DNMT3A: variants seen among roughly 807,000 people sequenced by gnomAD.
DNMT3A encodes DNA methyltransferase 3 alpha, also known as DNA (cytosine-5)-methyltransferase 3A.
In DNMT3A, 267 loss-of-function variants were observed where a neutral mutation model predicts 117.6. The observed-to-expected ratio is 2.27, with a 90% CI of 2.05 to 2.51. The LOEUF (loss-of-function observed/expected upper bound fraction) is 2.51. DNMT3A is among the 30% of genes most tolerant of loss of function. The pLI is 0.00. For synonymous variants in DNMT3A, 432 were observed against 474.8 expected (o/e 0.91, Z 1.17); for missense variants, 1,029 against 1,260.2 (o/e 0.82, Z 2.78).
intron 6 of DNMT3A, among the ~76,000 whole-genome samples, chr2:25,250,653 C>A (rs1675410991): frequency 6.6e-6 from 1 of 152,218 alleles, no homozygotes; most frequent in Admixed American, 6.5e-5. Flanking sequence ...GCTGCGTCAG[C>A]TACCCTCGCA....
At chr2:25,299,601 C>A (rs62131060) in intron 3 of DNMT3A, among the ~76,000 whole-genome samples, 10,595 of 152,292 alleles carry the variant, frequency 0.07, 499 homozygotes, top group Non-Finnish European at 0.1. Context: ...GCCAAGTCCC[C>A]TGGCTTCTCA....
Position 25,246,292 on chromosome 2 carries a change from T to TGTAGG in DNMT3A, c.1292_1296dup (p.Lys433ProfsTer220). 1 of 1,610,152 alleles carries TGTAGG rather than the reference T, an allele frequency of 6.2e-7. No homozygotes were observed. The highest frequency in any genetic ancestry group is 8.5e-7 in the Non-Finnish European group (1 of 1,178,078). On this transcript the variant is annotated frameshift_variant, in exon 11 of 23. Transcript: ENST00000321117. LOFTEE classifies it high-confidence loss of function. ...ACCCACATGTCCGTGTACACTTCTT[T>TGTAGG]GTAGGGATTCTTCTCTTCTGGAGGA...
chr2:25,239,408 G>A (rs914390089), intron 19 of DNMT3A, 193 bp from the exon 20 acceptor site: 8 of 660,846 alleles, frequency 1.2e-5, no homozygotes, highest in Admixed American at 4.1e-5. Context: ...TCACTGGAAC[G>A]TTCTAGATCA....
chr2:25,312,401 G>A (rs1345024841), intron 2 of DNMT3A, among the ~76,000 whole-genome samples: 4 of 152,338 alleles, frequency 2.6e-5, no homozygotes, highest in South Asian at 2.1e-4. Context: ...GGGCCGCAGC[G>A]CATGCTGGCT....
intron 1 of DNMT3A, among the ~76,000 whole-genome samples, chr2:25,322,461 C>T (rs999379568): frequency 6.6e-6 from 1 of 151,882 alleles, no homozygotes; most frequent in African/African-American, 2.4e-5. Context: ...CCACCCCCCA[C>T]CCTCACGAAA....
At chr2:25,329,973 G>A (rs1199306523) in intron 1 of DNMT3A, among the ~76,000 whole-genome samples, 1 of 152,208 alleles carries the variant, frequency 6.6e-6, no homozygotes, top group African/African-American at 2.4e-5. Context: ...TGTTCTGAGA[G>A]AAAACACAAA....
At chr2:25,265,682 G>C (rs2149351862) in intron 6 of DNMT3A, among the ~76,000 whole-genome samples, 1 of 152,214 alleles carries the variant, frequency 6.6e-6, no homozygotes, top group South Asian at 2.1e-4. Flanking sequence ...AGCCGGGTGT[G>C]GTGGCAGGTG....
chr2:25,246,526 G>A (rs1226851502), intron 10 of DNMT3A, 94 bp downstream of exon 10: 1 of 1,523,036 alleles, frequency 6.6e-7, no homozygotes, highest in Non-Finnish European at 8.8e-7. Flanking sequence ...CTCTGTGGAG[G>A]CCTTGGCAGC....
intron 1 of DNMT3A, among the ~76,000 whole-genome samples, chr2:25,336,613 C>T (rs2035226094): frequency 6.6e-6 from 1 of 151,974 alleles, no homozygotes; most frequent in African/African-American, 2.4e-5. Flanking sequence ...TCATTTGGCC[C>T]CTTCCCCTCC....
At chr2:25,315,315 C>T (rs2034327148) in intron 1 of DNMT3A, among the ~76,000 whole-genome samples, 1 of 152,194 alleles carries the variant, frequency 6.6e-6, no homozygotes, top group African/African-American at 2.4e-5. Context: ...GAGTGGGTGC[C>T]CCAGCCCTGG....
Position 25,305,266 on chromosome 2 carries a change from T to C in DNMT3A, c.73-5023A>G, listed in dbSNP as rs939173290. 2.6e-5 allele frequency among the ~76,000 whole-genome samples: 4 copies of C among 152,244 alleles called. No individual in the cohort carries two copies. Among genetic ancestry groups the C allele is most frequent in the African/African-American group, 9.6e-5 (4 of 41,460 alleles). ...TAATTGTCACTTTGCATTTATGTCA[T>C]TCTTTGCAGCTTTCAAAGCACCTTC... On this transcript the variant is annotated intron_variant, in intron 2 of 22. Coordinates refer to ENST00000321117, the MANE Select transcript of DNMT3A (RefSeq NM_022552.5). This position sits in a 1 kb window ranked among gnomAD's most constrained non-coding sequence, Gnocchi z 4.1.
chr2:25,253,208 T>C (rs1675806856), intron 6 of DNMT3A, among the ~76,000 whole-genome samples: 1 of 152,092 alleles, frequency 6.6e-6, no homozygotes, highest in Admixed American at 6.6e-5. Context: ...CAAAGGCACC[T>C]ACCCCCAAGG....
At chr2:25,330,003 C>T (rs2034954516) in intron 1 of DNMT3A, among the ~76,000 whole-genome samples, 1 of 152,198 alleles carries the variant, frequency 6.6e-6, no homozygotes, top group African/African-American at 2.4e-5. Context: ...TATAAACAAA[C>T]ATTTGCAATA....
chr2:25,238,492 G>A (rs539243038), intron 20 of DNMT3A, among the ~76,000 whole-genome samples: 1 of 152,282 alleles, frequency 6.6e-6, no homozygotes, highest in South Asian at 2.1e-4. Flanking sequence ...GCGGCTCTCA[G>A]CATGCTTTTG....
chr2:25,307,761 G>T (rs2033863493), intron 2 of DNMT3A, among the ~76,000 whole-genome samples: 1 of 152,152 alleles, frequency 6.6e-6, no homozygotes, highest in Non-Finnish European at 1.5e-5. Context: ...CACTGCGCCT[G>T]GCCCATTCTT....
chr2:25,231,758 A>G lies in DNMT3A; in HGVS notation c.*2521T>C, dbSNP rs1002509965. The G allele has an allele frequency of 2.0e-5, 3 of 152,222 alleles. No homozygotes were observed. The highest frequency in any genetic ancestry group is 7.2e-5 in the African/African-American group (3 of 41,440). The allele number at this position is 152,222 out of a possible 1,614,324, so 9.4% of individuals were successfully genotyped here. On this transcript the variant is annotated 3_prime_UTR_variant, in exon 23 of 23. Transcript: ENST00000321117. Reference sequence around the variant, plus strand: ...CTTTTGACATCACCAGGGGCAAAAGAGATAGAACACTACCTGCTAGAGGAG... The same window carrying G: ...CTTTTGACATCACCAGGGGCAAAAGGGATAGAACACTACCTGCTAGAGGAG...
chr2:25,309,135 C>A (rs933006108), intron 2 of DNMT3A, among the ~76,000 whole-genome samples: 10 of 152,222 alleles, frequency 6.6e-5, no homozygotes, highest in Admixed American at 2.6e-4. Context: ...CCCTGGGGGG[C>A]AGGCATGGCT....
chr2:25,324,654 A>T (rs2034721309), intron 1 of DNMT3A, among the ~76,000 whole-genome samples: 1 of 152,102 alleles, frequency 6.6e-6, no homozygotes, highest in South Asian at 2.1e-4. Flanking sequence ...GCTAGGGGCC[A>T]GGAGAAAGTG....
At chr2:25,319,260 C>T (rs2034502767) in intron 1 of DNMT3A, among the ~76,000 whole-genome samples, 1 of 151,762 alleles carries the variant, frequency 6.6e-6, no homozygotes, top group South Asian at 2.1e-4. Flanking sequence ...GTGATCCGCC[C>T]GCCTTAGCCT....
Sources: allele counts gnomAD v4.1 joint callset (sites outside exome capture counted in the v4.1 genomes callset), GRCh38; gene constraint gnomAD v4.1.1; non-coding constraint Gnocchi (gnomAD v3.1); transcripts MANE v1.5; gene names NCBI Gene and HGNC (gene_info 2026-07-23, HGNC 2026-07-21).